Variants in HSD17B2 observed in about 807,000 individuals in gnomAD.
The protein encoded by HSD17B2 is hydroxysteroid 17-beta dehydrogenase 2.
HSD17B2 carries 32 observed loss-of-function variants against 26.9 expected under a neutral mutation model. The ratio of observed to expected loss-of-function variants is 1.19; its 90% CI spans 0.90 to 1.60. The LOEUF (loss-of-function observed/expected upper bound fraction) is 1.60, where lower values mean the gene tolerates loss of function less well. Ranked by LOEUF, HSD17B2 falls within the 40% of genes most tolerant of loss-of-function variation. The pLI, the probability that HSD17B2 is intolerant of heterozygous loss-of-function variation, is 0.00. For missense variants in HSD17B2, 613 were observed against 468.6 expected, an observed-to-expected ratio of 1.31 and a Z score of -2.85; for synonymous variants, 246 against 186.7, an observed-to-expected ratio of 1.32 and a Z score of -2.59.
chr16:82,081,281 G>A (rs549429024), intron 3 of HSD17B2, among the ~76,000 whole-genome samples: 12 of 152,096 alleles, frequency 7.9e-5, no homozygotes, highest in Admixed American at 6.6e-4. Context: ...AGCTGTTCCC[G>A]CATGAACTTC....
chr16:82,061,799 CT>C (rs1362847346), intron 1 of HSD17B2, among the ~76,000 whole-genome samples: 1 of 152,136 alleles, frequency 6.6e-6, no homozygotes, highest in African/African-American at 2.4e-5. Flanking sequence ...GCTTTTATTT[CT>C]TGTATGATGT....
At chr16:82,056,077 G>C (rs1180015482) in intron 1 of HSD17B2, among the ~76,000 whole-genome samples, 1 of 152,150 alleles carries the variant, frequency 6.6e-6, no homozygotes, top group Non-Finnish European at 1.5e-5. Flanking sequence ...AGTTTGGCAA[G>C]TTGCATCTTG....
At chr16:82,078,315 C>A (rs1267686899) in intron 3 of HSD17B2, among the ~76,000 whole-genome samples, 1 of 152,062 alleles carries the variant, frequency 6.6e-6, no homozygotes, top group Non-Finnish European at 1.5e-5. Context: ...CAGAGAAATG[C>A]AAATCAAAAC....
intron 4 of HSD17B2, chr16:82,093,548 A>G (rs531022581): frequency 2.0e-4 from 30 of 152,358 alleles, no homozygotes; most frequent in African/African-American, 6.5e-4. Context: ...CAATGCAGCT[A>G]TGAACTTTCT....
At chr16:82,039,272 C>T (rs555991897) in intron 1 of HSD17B2, among the ~76,000 whole-genome samples, 1 of 151,374 alleles carries the variant, frequency 6.6e-6, no homozygotes, top group African/African-American at 2.4e-5. Context: ...CACACACACA[C>T]GCACAAACAC....
intron 3 of HSD17B2, among the ~76,000 whole-genome samples, chr16:82,088,909 A>G (rs574515015): frequency 6.6e-6 from 1 of 152,222 alleles, no homozygotes; most frequent in Non-Finnish European, 1.5e-5. Context: ...TAGCTCTTCA[A>G]TTGTCTGAGA....
Position 82,079,241 on chromosome 16 carries a change from G to T in HSD17B2, c.664+8114G>T, listed in dbSNP as rs146432667. ...ATTTTCCTCTGTGTTAGTTTGCTAG[G>T]GCTACCATAAGAAAATACCACAGAC... On this transcript the variant is annotated intron_variant, in intron 3 of 4. Transcript: ENST00000199936. Among the ~76,000 whole-genome samples, 19 of 152,156 alleles carry T rather than the reference G, an allele frequency of 1.2e-4. No homozygotes were observed. In the East Asian group the frequency reaches 3.5e-3, roughly 28 times the overall value.
rs1914688503 is a variant in HSD17B2, at chr16:82,071,145, C to A, written c.664+18C>A. ...CATGGGAGGTGAGTCAGCATTTTCA[C>A]ACATGGTCATGGGGTGCCCATCACA... On this transcript the variant is annotated intron_variant, in intron 3 of 4. Coordinates refer to ENST00000199936, the MANE Select transcript of HSD17B2 (RefSeq NM_002153.3). 6.2e-7 allele frequency: 1 copy of A among 1,612,274 alleles called. No individual in the cohort carries two copies. The highest frequency in any genetic ancestry group is 1.1e-5 in the South Asian group (1 of 91,044).
intron 1 of HSD17B2, among the ~76,000 whole-genome samples, chr16:82,043,052 C>G (rs566900415): frequency 1.1e-4 from 17 of 152,346 alleles, no homozygotes; most frequent in African/African-American, 4.1e-4. Flanking sequence ...CTTGCTTATG[C>G]AGTTGCATCT....
At chr16:82,057,222 G>C (rs1914296411) in intron 1 of HSD17B2, among the ~76,000 whole-genome samples, 1 of 149,276 alleles carries the variant, frequency 6.7e-6, no homozygotes, top group South Asian at 2.1e-4. Flanking sequence ...TTTTTTGAGA[G>C]AGAGTCCCCC....
intron 3 of HSD17B2, among the ~76,000 whole-genome samples, chr16:82,080,066 A>G (rs1904339324): frequency 6.6e-6 from 1 of 152,190 alleles, no homozygotes; most frequent in Admixed American, 6.5e-5. Context: ...TTTTGGTGGC[A>G]TAGATTTATC....
chr16:82,067,070 C>G (rs756795104), intron 1 of HSD17B2, among the ~76,000 whole-genome samples: 41 of 152,184 alleles, frequency 2.7e-4, no homozygotes, highest in Non-Finnish European at 5.1e-4. Flanking sequence ...AACACCTGCC[C>G]TCTCTTTGCA....
intron 1 of HSD17B2, among the ~76,000 whole-genome samples, chr16:82,043,607 C>G (rs1029686734): frequency 3.2e-5 from 4 of 125,296 alleles, no homozygotes; most frequent in Non-Finnish European, 6.0e-5. Context: ...TGGCGTGAAC[C>G]CAGGAAGCGG....
At chr16:82,095,078 A>T (rs1904801480) in intron 4 of HSD17B2, 1 of 152,162 alleles carries the variant, frequency 6.6e-6, no homozygotes, top group African/African-American at 2.4e-5. Flanking sequence ...TGGCTTTGTC[A>T]CTCACAGAGA....
Position 82,093,854 on chromosome 16 carries a change from T to C in HSD17B2, c.802+2815T>C, listed in dbSNP as rs540550022. ...GACAAGGAGTGGATTATTCATGAGT[T>C]TTCTGGGAAAGTGGGAGGGATGGCC... On this transcript the variant is annotated intron_variant, in intron 4 of 4. Transcript: ENST00000199936. The C allele has an allele frequency of 2.6e-5, 4 of 152,314 alleles. No homozygotes were observed. In the South Asian group the frequency reaches 8.3e-4, roughly 32 times the overall value. The allele number at this position is 152,314 out of a possible 1,614,324, so 9.4% of individuals were successfully genotyped here. A position where few individuals can be genotyped will look rare whatever the true frequency, so the allele number is the denominator to read the frequency against.
chr16:82,098,021 C>T, intron 4 of HSD17B2, 54 bp from the exon 5 acceptor site: 3 of 1,551,842 alleles, frequency 1.9e-6, no homozygotes, highest in Admixed American at 2.0e-5. Flanking sequence ...GCGCCTGCTC[C>T]CTGACTTCCT....
chr16:82,074,938 C>T (rs1489704347), intron 3 of HSD17B2, among the ~76,000 whole-genome samples: 1 of 152,084 alleles, frequency 6.6e-6, no homozygotes, highest in African/African-American at 2.4e-5. Context: ...CAAGGATAGA[C>T]CATATGTTAG....
chr16:82,054,367 C>G (rs1042969062), intron 1 of HSD17B2, among the ~76,000 whole-genome samples: 1 of 151,368 alleles, frequency 6.6e-6, no homozygotes, highest in African/African-American at 2.4e-5. Flanking sequence ...TTTTTTGGGA[C>G]AGAGTCTCGC....
chr16:82,035,755 C>A, intron 1 of HSD17B2, 66 bp downstream of exon 1: 1 of 1,511,494 alleles, frequency 6.6e-7, no homozygotes, highest in South Asian at 1.2e-5. Context: ...CTTAGCAGGA[C>A]TTTGTCAAAT....
Sources: allele counts gnomAD v4.1 joint callset (sites outside exome capture counted in the v4.1 genomes callset), GRCh38; gene constraint gnomAD v4.1.1; transcripts MANE v1.5; gene names NCBI Gene and HGNC (gene_info 2026-07-23, HGNC 2026-07-21).